The following PDE4B variants were observed in gnomAD, a reference collection of about 807,000 sequenced individuals.
The protein encoded by PDE4B is phosphodiesterase 4B, also known as 3',5'-cyclic-AMP phosphodiesterase 4B.
PDE4B carries 20 observed loss-of-function variants against 82.2 expected under a neutral mutation model. The ratio of observed to expected loss-of-function variants is 0.24; its 90% CI spans 0.17 to 0.35. The LOEUF (loss-of-function observed/expected upper bound fraction) is 0.35, where lower values mean the gene tolerates loss of function less well. PDE4B is among the 10% of genes least tolerant of loss of function. The pLI, the probability that PDE4B is intolerant of heterozygous loss-of-function variation, is 1.00. For synonymous variants in PDE4B, 320 were observed against 318.9 expected, an observed-to-expected ratio of 1.00 and a Z score of -0.04; for missense variants, 655 against 907.2, an observed-to-expected ratio of 0.72 and a Z score of 3.57.
At chr1:66,327,286 A>G (rs60085295) in intron 7 of PDE4B, among the ~76,000 whole-genome samples, 3,430 of 152,300 alleles carry the variant, frequency 0.023, 126 homozygotes, top group African/African-American at 0.077. Flanking sequence ...AAATAAAAAG[A>G]TCATTGACTG....
intron 7 of PDE4B, among the ~76,000 whole-genome samples, chr1:66,301,053 G>A (rs1036479778): frequency 1.1e-4 from 16 of 152,084 alleles, no homozygotes; most frequent in Admixed American, 6.6e-4. Flanking sequence ...ACACATATGA[G>A]CATGCGGTGT....
chr1:66,186,268 T>A (rs1220546091), intron 3 of PDE4B, among the ~76,000 whole-genome samples: 1 of 152,232 alleles, frequency 6.6e-6, no homozygotes, highest in Non-Finnish European at 1.5e-5. Flanking sequence ...TCAGGTAGCG[T>A]GATGCCTCCA....
At chr1:65,818,621 T>G (rs1202161305) in intron 1 of PDE4B, among the ~76,000 whole-genome samples, 1 of 150,894 alleles carries the variant, frequency 6.6e-6, no homozygotes, top group African/African-American at 2.4e-5. Flanking sequence ...AAGGGCTTAT[T>G]ATACAATGAA....
At chr1:66,137,243 T>C (rs987370038) in intron 3 of PDE4B, among the ~76,000 whole-genome samples, 1 of 152,046 alleles carries the variant, frequency 6.6e-6, no homozygotes, top group African/African-American at 2.4e-5. Context: ...TTATTTCTCT[T>C]TTGGGCACTT....
intron 3 of PDE4B, among the ~76,000 whole-genome samples, chr1:66,074,658 G>T (rs553272964): frequency 8.6e-5 from 13 of 151,752 alleles, no homozygotes; most frequent in African/African-American, 2.7e-4. Context: ...CCAGTCCTTG[G>T]CTGCACTAAT....
chr1:66,154,561 T>C (rs1646465228), intron 3 of PDE4B, among the ~76,000 whole-genome samples: 1 of 152,226 alleles, frequency 6.6e-6, no homozygotes, highest in Non-Finnish European at 1.5e-5. Flanking sequence ...TAAAATGCCT[T>C]GTGAATTAAA....
intron 1 of PDE4B, among the ~76,000 whole-genome samples, chr1:65,879,651 A>G (rs550422429): frequency 5.8e-4 from 88 of 152,324 alleles, no homozygotes; most frequent in African/African-American, 2.0e-3. Context: ...CAGGCTAAAC[A>G]TAAATAAAAG....
At chr1:65,992,577 T>G in intron 3 of PDE4B, 1 of 224,172 alleles carries the variant, frequency 4.5e-6, no homozygotes, top group Non-Finnish European at 7.9e-6. Context: ...GAATATTTCA[T>G]GAGTTGATAT....
chr1:65,844,748 T>C (rs1051953318), intron 1 of PDE4B, among the ~76,000 whole-genome samples: 2 of 151,986 alleles, frequency 1.3e-5, no homozygotes, highest in South Asian at 4.2e-4. Flanking sequence ...TAAAAAGAAG[T>C]GGGGAGGATA....
chr1:66,138,081 C>T (rs1400109492), intron 3 of PDE4B, among the ~76,000 whole-genome samples: 1 of 152,212 alleles, frequency 6.6e-6, no homozygotes, highest in East Asian at 1.9e-4. Context: ...CTAGGCTTGT[C>T]TAGCTACAGT....
intron 3 of PDE4B, among the ~76,000 whole-genome samples, chr1:66,230,661 AC>A (rs1383140211): frequency 6.6e-6 from 1 of 152,214 alleles, no homozygotes; most frequent in East Asian, 1.9e-4. Flanking sequence ...GAAAATTCTT[AC>A]GTCTAAATTC....
rs569219024 is a variant in PDE4B at position 66,024,334 on chromosome 1, T to C, written c.281+105499T>C. On this transcript the variant is annotated intron_variant, in intron 3 of 16. Transcript: ENST00000341517. ...AGAGTTGGAAGTGCTTCAGAGATCA[T>C]CTCATTTACCCCTTACTCAATCAGA... 3.3e-5 allele frequency among the ~76,000 whole-genome samples: 5 copies of C among 152,112 alleles called. No individual in the cohort carries two copies. The South Asian group carries it at 1.0e-3, about 32-fold the overall frequency.
chr1:66,140,523 CAAAAA>C (rs1360551081), intron 3 of PDE4B, among the ~76,000 whole-genome samples: 2 of 151,344 alleles, frequency 1.3e-5, no homozygotes, highest in Non-Finnish European at 3.0e-5. Flanking sequence ...TGTACTATAC[CAAAAA>C]AAAGTAAAAA....
At chr1:66,265,987 A>G (rs768027693) in intron 6 of PDE4B, 51 bp from the exon 7 acceptor site, 1 of 1,380,562 alleles carries the variant, frequency 7.2e-7, no homozygotes, top group Non-Finnish European at 1.0e-6. Context: ...CGGGGGTGGA[A>G]TGGGCAGTTT....
chr1:65,998,868 T>TA (rs5774782), intron 3 of PDE4B, among the ~76,000 whole-genome samples: 5,672 of 138,460 alleles, frequency 0.041, 340 homozygotes, highest in African/African-American at 0.14. Context: ...CCTAGTGGGT[T>TA]AAAAAAAAAA....
At chr1:66,338,967 C>G (rs1342702660) in intron 8 of PDE4B, among the ~76,000 whole-genome samples, 1 of 145,322 alleles carries the variant, frequency 6.9e-6, no homozygotes, top group Non-Finnish European at 1.5e-5. Flanking sequence ...TGCAGTGAGC[C>G]GAGATCCCGC....
intron 3 of PDE4B, among the ~76,000 whole-genome samples, chr1:66,207,226 C>T (rs1649625471): frequency 6.6e-6 from 1 of 152,050 alleles, no homozygotes; most frequent in Non-Finnish European, 1.5e-5. Flanking sequence ...TATTTCTAGT[C>T]TTCAAGTGCC....
At chr1:66,342,444 T>C (rs1046793558) in intron 8 of PDE4B, among the ~76,000 whole-genome samples, 2 of 151,494 alleles carry the variant, frequency 1.3e-5, no homozygotes, top group African/African-American at 4.9e-5. Flanking sequence ...GCGCAGTGGC[T>C]CACGCCTGTA....
At chr1:66,323,453 C>T (rs1002194572) in intron 7 of PDE4B, among the ~76,000 whole-genome samples, 3 of 152,072 alleles carry the variant, frequency 2.0e-5, no homozygotes, top group Non-Finnish European at 2.9e-5. Context: ...AATTATTTTT[C>T]TATTCCTCTT....
Sources: allele counts gnomAD v4.1 joint callset (sites outside exome capture counted in the v4.1 genomes callset), GRCh38; gene constraint gnomAD v4.1.1; transcripts MANE v1.5; gene names NCBI Gene and HGNC (gene_info 2026-07-23, HGNC 2026-07-21).